Variants in SLC39A6 observed in about 807,000 individuals in gnomAD.
SLC39A6 encodes zinc transporter ZIP6.
In SLC39A6, 51 loss-of-function variants were observed where a neutral mutation model predicts 63.5. The ratio of observed to expected loss-of-function variants is 0.80; its 90% CI spans 0.64 to 1.01. The LOEUF (loss-of-function observed/expected upper bound fraction) is 1.01, where lower values mean the gene tolerates loss of function less well. SLC39A6 is among the 50% of genes least tolerant of loss of function. SLC39A6 has a pLI of 0.00. For missense variants in SLC39A6, 805 were observed against 927.8 expected (o/e 0.87, Z 1.72); for synonymous variants, 318 against 324.7 (o/e 0.98, Z 0.22).
chr18:36,121,159 T>A (rs534286749), intron 5 of SLC39A6, among the ~76,000 whole-genome samples: 2 of 151,396 alleles, frequency 1.3e-5, no homozygotes, highest in South Asian at 2.1e-4. Flanking sequence ...TTCTTTTCTT[T>A]TTTTTTTTTT....
At position 36,114,273 on chromosome 18, in the gene SLC39A6, T is replaced by C; in HGVS notation, c.1667A>G (p.His556Arg). The change falls in exon 7 of 10, where the codon CAC (histidine) becomes CGC (arginine). Residue 556 changes from histidine (H) to arginine (R), a missense_variant. This residue lies in a region of SLC39A6 where 19 missense variants were observed against 35.1 expected (regional missense o/e 0.54). Transcript: ENST00000269187. ...AATATGATGGTAGTCATGATGGTGG[T>C]GAATGAGATCGTCTGACTGGCCGAG... The part of the protein sequence containing the change: ...DTLGQSDDLI[H>R]HHHDYHHILH... 1 of 1,614,180 alleles carries C rather than the reference T, an allele frequency of 6.2e-7. No homozygotes were observed. The highest frequency in any genetic ancestry group is 8.5e-7 in the Non-Finnish European group (1 of 1,180,030).
chr18:36,128,450 T>C (rs1331794223), intron 1 of SLC39A6, among the ~76,000 whole-genome samples: 1 of 152,168 alleles, frequency 6.6e-6, no homozygotes, highest in African/African-American at 2.4e-5. Context: ...GTTAAACTCA[T>C]GTGTTGCACA....
In SLC39A6 at chr18:36,109,557, A is replaced by G. The variant is rs1364278801; in HGVS notation, c.*36T>C. On this transcript the variant is annotated 3_prime_UTR_variant, in exon 10 of 10. Coordinates refer to ENST00000269187, the MANE Select transcript of SLC39A6 (RefSeq NM_012319.4). Reference sequence around the variant, plus strand: ...CTCCCTATGACCTACTGAAACTATGACAACTTTTTAAGCTACTCTAGCATT... The same window carrying G: ...CTCCCTATGACCTACTGAAACTATGGCAACTTTTTAAGCTACTCTAGCATT... 6.4e-7 allele frequency: 1 copy of G among 1,552,324 alleles called. No homozygotes were observed. Among genetic ancestry groups the G allele is most frequent in the Non-Finnish European group, 8.8e-7 (1 of 1,130,774 alleles).
In SLC39A6 at chr18:36,127,879, C is replaced by T. The variant is rs62101457; in HGVS notation, c.-9-863G>A. Among the ~76,000 whole-genome samples, 1,169 of 150,646 alleles carry T rather than the reference C, an allele frequency of 7.8e-3. 9 individuals are homozygous for T. Among genetic ancestry groups the T allele is most frequent in the Middle Eastern group, 0.017 (5 of 292 alleles). On this transcript the variant is annotated intron_variant, in intron 1 of 9. Transcript: ENST00000269187. The stretch of plus-strand genomic sequence containing the variant: ...TCCTCCACCTCCAATTCCCAAAGTG[C>T]TGGGATTACAGGCGTGACCACTACG...
At chr18:36,120,780 A>G (rs2089387071) in intron 5 of SLC39A6, among the ~76,000 whole-genome samples, 1 of 152,218 alleles carries the variant, frequency 6.6e-6, no homozygotes, top group Non-Finnish European at 1.5e-5. Context: ...GGCGTGAGCC[A>G]CCGTGCCTGG....
intron 6 of SLC39A6, among the ~76,000 whole-genome samples, chr18:36,115,492 A>AACC (rs1555631480): frequency 1.4e-5 from 2 of 145,160 alleles, no homozygotes; most frequent in African/African-American, 5.0e-5. Context: ...CAACAACAAC[A>AACC]ACCATATATC....
chr18:36,110,061 T>C (rs2144495667), intron 9 of SLC39A6, among the ~76,000 whole-genome samples: 1 of 152,326 alleles, frequency 6.6e-6, no homozygotes, highest in East Asian at 1.9e-4. Context: ...CTGAACTGGA[T>C]ATAACATGTA....
In SLC39A6 at chr18:36,126,736, T is replaced by G; in HGVS notation, c.272A>C (p.His91Pro). 6.2e-7 allele frequency: 1 copy of G among 1,614,144 alleles called. No homozygotes were observed. Among genetic ancestry groups the G allele is most frequent in the East Asian group, 2.2e-5 (1 of 44,908 alleles). ...GTGATGGTCGTGGTCATGGTGTATA[T>G]GGATTCTTTTAATCTTATCTATGCC... ...NIGIDKIKRI[H>P]IHHDHDHHSD... is the part of the protein sequence containing the mutation. Residue 91 changes from histidine (H) to proline (P), a missense_variant, in exon 2 of 10, where the codon CAT becomes CCT. His to Pro is a moderately conservative substitution (Grantham distance 77). This residue lies in a region of SLC39A6 where 639 missense variants were observed against 644.0 expected (regional missense o/e 0.99). Coordinates refer to ENST00000269187, the MANE Select transcript of SLC39A6 (RefSeq NM_012319.4).
rs145228711 is a variant in SLC39A6, at chr18:36,129,273, G to C, written c.-169C>G. On this transcript the variant is annotated 5_prime_UTR_variant, in exon 1 of 10. Coordinates refer to ENST00000269187, the MANE Select transcript of SLC39A6 (RefSeq NM_012319.4). ...CATTGGGTTGGCTGCCCCTCGGTCCGGGGGCAGCGCCGCGCAGCCACCCGG... is the reference window on the plus strand; with the variant it reads ...CATTGGGTTGGCTGCCCCTCGGTCCCGGGGCAGCGCCGCGCAGCCACCCGG... 898 of 156,718 alleles carry C rather than the reference G, an allele frequency of 5.7e-3. 8 individuals carry two copies. The highest frequency in any genetic ancestry group is 0.013 in the Middle Eastern group (4 of 306). 9.7% of individuals were successfully genotyped at this position (156,718 alleles called of 1,614,324 possible).
chr18:36,126,932 C>CT lies in SLC39A6; in HGVS notation c.75dup (p.Ala26SerfsTer9), dbSNP rs1567962349. 3 of 1,613,958 alleles carry CT rather than the reference C, an allele frequency of 1.9e-6. No individual in the cohort carries two copies. ...TCAGTGGTCTGGGGGAAAGCAGCTGCTTTTAGTTCATGAAGGGGATTTGTG... is the reference window on the plus strand; with the variant it reads ...TCAGTGGTCTGGGGGAAAGCAGCTGCTTTTTAGTTCATGAAGGGGATTTGTG... On this transcript the variant is annotated frameshift_variant, in exon 2 of 10. Coordinates refer to ENST00000269187, the MANE Select transcript of SLC39A6 (RefSeq NM_012319.4). LOFTEE classifies it high-confidence loss of function.
intron 2 of SLC39A6, 113 bp from the exon 3 acceptor site, chr18:36,124,813 T>G (rs2089422962): frequency 2.4e-6 from 2 of 847,750 alleles, no homozygotes; most frequent in Admixed American, 3.1e-5. Context: ...TAATGAAAAT[T>G]AAAATCAACT....
rs754776693 is a variant in SLC39A6 at position 36,126,587 on chromosome 18, T to A, written c.421A>T (p.Lys141Ter). 15 of 1,614,172 alleles carry A rather than the reference T, an allele frequency of 9.3e-6. No individual in the cohort carries two copies. The highest frequency in any genetic ancestry group is 1.3e-5 in the African/African-American group (1 of 75,054). The change falls in exon 2 of 10, where the codon AAG (lysine) becomes TAG (stop). Residue 141 changes from lysine to a stop codon, truncating the protein, a stop_gained. Transcript: ENST00000269187. LOFTEE classifies it high-confidence loss of function. ...HHNHAASGKN[K>*]RKALCPDHDS... ...TGGTCTGGGCAAAGAGCTTTTCGCT[T>A]ATTTTTACCAGAAGCAGCATGATTA...
In SLC39A6 at chr18:36,114,092, T is replaced by C. The variant is rs1463785882; in HGVS notation, c.1843+5A>G. Reference sequence around the variant, plus strand: ...TCAACAAGGAACAAATATGTAGATATATACCAATTGCTAGGCCATCGCTGA... The same window carrying C: ...TCAACAAGGAACAAATATGTAGATACATACCAATTGCTAGGCCATCGCTGA... On this transcript the variant is annotated splice_donor_5th_base_variant and intron_variant, in intron 7 of 9. Transcript: ENST00000269187. The C allele has an allele frequency of 1.9e-6, 3 of 1,583,894 alleles. No individual in the cohort carries two copies. The highest frequency in any genetic ancestry group is 2.6e-6 in the Non-Finnish European group (3 of 1,164,210).
In SLC39A6 at chr18:36,126,395, T is replaced by C. The variant is rs776968657; in HGVS notation, c.613A>G (p.Ile205Val). 1.2e-6 allele frequency: 2 copies of C among 1,614,242 alleles called. No individual in the cohort carries two copies. Among genetic ancestry groups the C allele is most frequent in the African/African-American group, 1.3e-5 (1 of 75,070 alleles). Residue 205 changes from isoleucine (I) to valine (V), a missense_variant, in exon 2 of 10, where the codon ATA becomes GTA. Ile to Val is a conservative substitution (Grantham distance 29). Coordinates refer to ENST00000269187, the MANE Select transcript of SLC39A6 (RefSeq NM_012319.4). ...AGTTTTCCAGGTCTTGGAGTCTCTA[T>C]TGTCTCTAGAAAGTGAGTTCCTTCA... Reference protein sequence around the residue: ...VSEGTHFLETIETPRPGKLFP... With the variant: ...VSEGTHFLETVETPRPGKLFP...
intron 8 of SLC39A6, 71 bp downstream of exon 8, chr18:36,112,430 C>A: frequency 9.1e-7 from 1 of 1,102,366 alleles, no homozygotes. Context: ...TGCTGAACTA[C>A]CATTAGCAAA....
rs542157243 is a variant in SLC39A6, at chr18:36,126,571, C to T, written c.437G>A (p.Cys146Tyr). 12 of 1,614,164 alleles carry T rather than the reference C, an allele frequency of 7.4e-6. No individual in the cohort carries two copies. The African/African-American group carries it at 8.0e-5, about 11-fold the overall frequency. Reference sequence around the variant, plus strand: ...TGAACTATCTGAGTCATGGTCTGGGCAAAGAGCTTTTCGCTTATTTTTACC... The same window carrying T: ...TGAACTATCTGAGTCATGGTCTGGGTAAAGAGCTTTTCGCTTATTTTTACC... ...ASGKNKRKALCPDHDSDSSGK... is the reference protein window; with the variant it reads ...ASGKNKRKALYPDHDSDSSGK... Residue 146 changes from cysteine (C) to tyrosine (Y), a missense_variant, in exon 2 of 10, where the codon TGC becomes TAC. Transcript: ENST00000269187.
rs1024819217 is a variant in SLC39A6 at position 36,114,477 on chromosome 18, A to G, written c.1466-3T>C. On this transcript the variant is annotated splice_region_variant and splice_polypyrimidine_tract_variant and intron_variant, in intron 6 of 9. Coordinates refer to ENST00000269187, the MANE Select transcript of SLC39A6 (RefSeq NM_012319.4). ...TGCTCGTAAATAGCCTTCAGTTCCTAGGAATAAACATAAAGGGCATGGGGA... is the reference window on the plus strand; with the variant it reads ...TGCTCGTAAATAGCCTTCAGTTCCTGGGAATAAACATAAAGGGCATGGGGA... The G allele has an allele frequency of 6.2e-7, 1 of 1,603,932 alleles. No individual in the cohort carries two copies. The highest frequency in any genetic ancestry group is 8.5e-7 in the Non-Finnish European group (1 of 1,176,534).
Position 36,109,757 on chromosome 18 carries a change from A to AT in SLC39A6, c.2116-13_2116-12insA, listed in dbSNP as rs769020103. 1 of 1,588,918 alleles carries AT rather than the reference A, an allele frequency of 6.3e-7. No homozygotes were observed. ...AGCATTTCAGGTACCTTTAAAAAAAAGTAAGGGAAAATAAGAGTGACATTT... is the reference window on the plus strand; with the variant it reads ...AGCATTTCAGGTACCTTTAAAAAAAATGTAAGGGAAAATAAGAGTGACATTT... On this transcript the variant is annotated splice_polypyrimidine_tract_variant and intron_variant, in intron 9 of 9. Coordinates refer to ENST00000269187, the MANE Select transcript of SLC39A6 (RefSeq NM_012319.4).
At chr18:36,110,975 G>C (rs2089295137) in intron 9 of SLC39A6, 84 bp downstream of exon 9, 1 of 1,551,874 alleles carries the variant, frequency 6.4e-7, no homozygotes, top group Non-Finnish European at 8.7e-7. Flanking sequence ...CCCCCAAAAA[G>C]AGAGAAAAAA....
Sources: gnomAD v4.1 joint callset for allele counts (sites outside exome capture counted in the v4.1 genomes callset) on GRCh38, gnomAD v4.1.1 for gene constraint, gnomAD v4.1.1 regional missense constraint, MANE v1.5 for transcripts, NCBI Gene and HGNC (gene_info 2026-07-23, HGNC 2026-07-21) for gene names.